The following MGAT3 variants were observed in gnomAD, a reference collection of about 807,000 sequenced individuals.
The protein encoded by MGAT3 is GlcNAc-T III.
In MGAT3, 9 loss-of-function variants were observed where a neutral mutation model predicts 29.8. That is an observed-to-expected ratio of 0.30 (90% CI 0.18 to 0.53). The LOEUF (loss-of-function observed/expected upper bound fraction) is 0.53. Ranked by LOEUF, MGAT3 falls within the 20% of genes least tolerant of loss-of-function variation. MGAT3 has a pLI of 0.96. For synonymous variants in MGAT3, 397 were observed against 348.9 expected (o/e 1.14, Z -1.54); for missense variants, 557 against 769.5 (o/e 0.72, Z 3.27).
chr22:39,473,213 A>C (rs1601722949), intron 1 of MGAT3, among the ~76,000 whole-genome samples: 1 of 152,122 alleles, frequency 6.6e-6, no homozygotes, highest in Non-Finnish European at 1.5e-5. Flanking sequence ...ACCACAGAAT[A>C]CCTGAGACTG....
chr22:39,457,365 G>C lies in MGAT3; in HGVS notation c.-194G>C, dbSNP rs1434335913. 1.4e-5 allele frequency: 2 copies of C among 145,134 alleles called. No homozygotes were observed. The highest frequency in any genetic ancestry group is 4.9e-5 in the African/African-American group (2 of 40,494). The allele number at this position is 145,134 out of a possible 1,614,324, so 9.0% of individuals were successfully genotyped here. On this transcript the variant is annotated 5_prime_UTR_variant, in exon 1 of 2. Coordinates refer to ENST00000341184, the MANE Select transcript of MGAT3 (RefSeq NM_002409.5). This position sits in a 1 kb window ranked among gnomAD's most constrained non-coding sequence, Gnocchi z 6.8. ...CGGGACGGGGTGGAAGTGGGGGTGGGGGGAGGGGATCGGGGCCGGGCCGGG... is the reference window on the plus strand; with the variant it reads ...CGGGACGGGGTGGAAGTGGGGGTGGCGGGAGGGGATCGGGGCCGGGCCGGG...
chr22:39,483,018 C>T (rs867299655), intron 1 of MGAT3, among the ~76,000 whole-genome samples: 1 of 152,248 alleles, frequency 6.6e-6, no homozygotes, highest in African/African-American at 2.4e-5. Context: ...AGGCCCTTTA[C>T]GCCAAGCAGG....
intron 1 of MGAT3, chr22:39,476,484 A>G (rs1006117834): frequency 1.3e-5 from 2 of 152,264 alleles, no homozygotes; most frequent in Non-Finnish European, 2.9e-5. Context: ...GGGATTTGCA[A>G]GGATTTGACT....
chr22:39,483,919 G>A (rs571605157), intron 1 of MGAT3, among the ~76,000 whole-genome samples: 40 of 152,332 alleles, frequency 2.6e-4, no homozygotes, highest in Admixed American at 2.4e-3. Flanking sequence ...GGGGGCAGGC[G>A]TTTACTGGAG....
rs1233181411 is a variant in MGAT3, at chr22:39,487,608, C to G, written c.261C>G (p.Ser87Arg). The change falls in exon 2 of 2, where the codon AGC becomes AGG. Residue 87 changes from serine (S) to arginine (R), a missense_variant. Transcript: ENST00000341184. The surrounding 1 kb of genome is among the most constrained non-coding windows in gnomAD (Gnocchi z 5.7). ...CCCTGCTGCAGCCGCTGCCGCCCAGCAAGGCGGCCGAGGAGCTCCACCGGG... is the reference window on the plus strand; with the variant it reads ...CCCTGCTGCAGCCGCTGCCGCCCAGGAAGGCGGCCGAGGAGCTCCACCGGG... The part of the protein sequence containing the change: ...HSPLLQPLPP[S>R]KAAEELHRVD... 13 of 1,611,566 alleles carry G rather than the reference C, an allele frequency of 8.1e-6. No homozygotes were observed. Among genetic ancestry groups the G allele is most frequent in the East Asian group, 2.2e-5 (1 of 44,856 alleles).
At chr22:39,462,351 G>C (rs548630805) in intron 1 of MGAT3, among the ~76,000 whole-genome samples, 1 of 152,370 alleles carries the variant, frequency 6.6e-6, no homozygotes, top group South Asian at 2.1e-4. Context: ...CAGCGACACA[G>C]GTACTGAGGA....
At chr22:39,479,863 G>C (rs984536028) in intron 1 of MGAT3, among the ~76,000 whole-genome samples, 1 of 152,178 alleles carries the variant, frequency 6.6e-6, no homozygotes, top group African/African-American at 2.4e-5. Context: ...CACCTGCTGT[G>C]TACATTCCCT....
At chr22:39,486,257 C>T (rs759706969) in intron 1 of MGAT3, 14 of 376,070 alleles carry the variant, frequency 3.7e-5, no homozygotes, top group South Asian at 5.7e-5. Flanking sequence ...AAGTAATTCT[C>T]CTGCCTCAGC....
Position 39,488,993 on chromosome 22 carries a change from G to T in MGAT3, c.*44G>T. 6.5e-7 allele frequency: 1 copy of T among 1,542,988 alleles called. No homozygotes were observed. The highest frequency in any genetic ancestry group is 8.7e-7 in the Non-Finnish European group (1 of 1,146,714). On this transcript the variant is annotated 3_prime_UTR_variant, in exon 2 of 2. Coordinates refer to ENST00000341184, the MANE Select transcript of MGAT3 (RefSeq NM_002409.5). ...GGTTTGTGACAGGGCGGGGGTGGCGGCGGCCCCTAGCGCTATCTCCCTGCC... is the reference window on the plus strand; with the variant it reads ...GGTTTGTGACAGGGCGGGGGTGGCGTCGGCCCCTAGCGCTATCTCCCTGCC...
In MGAT3 at chr22:39,487,338, C is replaced by G. The variant is rs986601778; in HGVS notation, c.-1-9C>G. 8.1e-6 allele frequency: 13 copies of G among 1,608,236 alleles called. No homozygotes were observed. The highest frequency in any genetic ancestry group is 1.1e-5 in the Non-Finnish European group (13 of 1,177,794). ...CCTGATGAGTCTCCTGTCTCTCTCTCTCCCGCAGGATGAAGATGAGACGCT... is the reference window on the plus strand; with the variant it reads ...CCTGATGAGTCTCCTGTCTCTCTCTGTCCCGCAGGATGAAGATGAGACGCT... On this transcript the variant is annotated splice_polypyrimidine_tract_variant and intron_variant, in intron 1 of 1. Transcript: ENST00000341184. The surrounding 1 kb of genome is among the most constrained non-coding windows in gnomAD (Gnocchi z 5.7).
intron 1 of MGAT3, among the ~76,000 whole-genome samples, chr22:39,462,971 C>T (rs372208025): frequency 1.8e-4 from 28 of 152,084 alleles, no homozygotes; most frequent in Admixed American, 8.5e-4. Context: ...GCCTGCTCTC[C>T]GGCTGCCCTC....
rs368843548 is a variant in MGAT3 at position 39,487,671 on chromosome 22, C to T, written c.324C>T (p.Phe108=). The T allele has an allele frequency of 1.3e-5, 21 of 1,606,366 alleles. No individual in the cohort carries two copies. The highest frequency in any genetic ancestry group is 1.8e-5 in the Non-Finnish European group (21 of 1,176,292). Residue 108 remains phenylalanine, a synonymous_variant, in exon 2 of 2, where the codon TTC becomes TTT. Transcript: ENST00000341184. The surrounding 1 kb of genome is among the most constrained non-coding windows in gnomAD (Gnocchi z 5.7). ...TGCCCGAGGACACCACCGAGTATTT[C>T]GTGCGCACCAAGGCCGGCGGCGTCT... ...LVLPEDTTEY[F]VRTKAGGVCF... is the part of the protein sequence containing the mutation.
chr22:39,470,850 G>A (rs1292456183), intron 1 of MGAT3, among the ~76,000 whole-genome samples: 1 of 152,196 alleles, frequency 6.6e-6, no homozygotes, highest in South Asian at 2.1e-4. Context: ...CCAAGATCAC[G>A]GAGGAGGGTT....
At chr22:39,462,395 A>G (rs1215393846) in intron 1 of MGAT3, among the ~76,000 whole-genome samples, 1 of 152,228 alleles carries the variant, frequency 6.6e-6, no homozygotes, top group African/African-American at 2.4e-5. Context: ...GGATGGATGA[A>G]TGGATGAATG....
intron 1 of MGAT3, among the ~76,000 whole-genome samples, chr22:39,481,514 C>T (rs1929126678): frequency 6.6e-6 from 1 of 152,214 alleles, no homozygotes; most frequent in African/African-American, 2.4e-5. Flanking sequence ...CACCGAGGTG[C>T]CTGGCACACG....
At chr22:39,476,906 A>T (rs545342936) in intron 1 of MGAT3, 1 of 152,258 alleles carries the variant, frequency 6.6e-6, no homozygotes, top group African/African-American at 2.4e-5. Context: ...GAGTCAGATG[A>T]TGAGAGGGGA....
intron 1 of MGAT3, among the ~76,000 whole-genome samples, chr22:39,471,231 G>T (rs766842482): frequency 6.6e-6 from 1 of 152,170 alleles, no homozygotes; most frequent in Admixed American, 6.5e-5. Flanking sequence ...CAGATGGTCT[G>T]GGGCAGTTTG....
At chr22:39,477,772 C>T (rs1170215098) in intron 1 of MGAT3, 1 of 152,274 alleles carries the variant, frequency 6.6e-6, no homozygotes, top group African/African-American at 2.4e-5. Context: ...AAACCAAATC[C>T]TCCAGACTTC....
At chr22:39,481,640 C>T (rs890276773) in intron 1 of MGAT3, among the ~76,000 whole-genome samples, 2 of 152,244 alleles carry the variant, frequency 1.3e-5, no homozygotes, top group Non-Finnish European at 2.9e-5. Flanking sequence ...GTTGTCTTCA[C>T]TGGTCACAGG....
Sources: allele counts gnomAD v4.1 joint callset (sites outside exome capture counted in the v4.1 genomes callset), GRCh38; gene constraint gnomAD v4.1.1; non-coding constraint Gnocchi (gnomAD v3.1); transcripts MANE v1.5; gene names NCBI Gene and HGNC (gene_info 2026-07-23, HGNC 2026-07-21).